TDRKH: variants seen among roughly 807,000 people sequenced by gnomAD.
TDRKH encodes tudor and KH domain-containing protein.
Under a neutral mutation model 61.3 loss-of-function variants are expected in TDRKH, and 28 were observed. The observed-to-expected ratio is 0.46, with a 90% CI of 0.34 to 0.63. TDRKH has a LOEUF of 0.63. TDRKH is among the 20% of genes least tolerant of loss of function. The probability of loss-of-function intolerance (pLI) is 0.01; values close to 1 mark genes in which losing one functional copy is unlikely to be tolerated. For missense variants in TDRKH, 540 were observed against 683.4 expected (o/e 0.79, Z 2.34); for synonymous variants, 219 against 244.4 (o/e 0.90, Z 0.97).
chr1:151,781,328 A>ATATATATATATCTATATATATATATATAT (rs1553282748), intron 3 of TDRKH, among the ~76,000 whole-genome samples, 153 bp downstream of exon 3: 1 of 68,600 alleles, frequency 1.5e-5, no homozygotes, highest in African/African-American at 4.8e-5. Flanking sequence ...AAAAAAAAAA[A>ATATATATATATCTATATATATATATATAT]ATATATATAT....
chr1:151,788,075 T>C (rs1175048283), intron 1 of TDRKH, among the ~76,000 whole-genome samples: 1 of 152,160 alleles, frequency 6.6e-6, no homozygotes. Context: ...TGAGCATCTA[T>C]GGATTTGGGT....
chr1:151,775,938 A>C (rs902101034), intron 8 of TDRKH, 54 bp from the exon 9 acceptor site: 5 of 1,596,138 alleles, frequency 3.1e-6, no homozygotes, highest in South Asian at 2.2e-5. Flanking sequence ...ATCTTCTTAC[A>C]TTGCTGCTTT....
downstream of TDRKH, among the ~76,000 whole-genome samples, chr1:151,769,709 G>C (rs1168642363): frequency 6.6e-6 from 1 of 152,174 alleles, no homozygotes; most frequent in East Asian, 1.9e-4. Flanking sequence ...GGCACTTTGG[G>C]AGGCCAAGGC....
chr1:151,767,162 G>C (rs1274331678), downstream of TDRKH: 1 of 1,613,608 alleles, frequency 6.2e-7, no homozygotes, highest in African/African-American at 1.3e-5. Flanking sequence ...TTCCCAACCA[G>C]CATCACTTAT....
chr1:151,770,467 T>G, downstream of TDRKH: 1 of 606,666 alleles, frequency 1.6e-6, no homozygotes, highest in Non-Finnish European at 2.7e-6. Flanking sequence ...CAGGTGGTGT[T>G]AGGGGCCAGA....
In TDRKH at chr1:151,775,490, C is replaced by A; in HGVS notation, c.1336G>T (p.Ala446Ser). Residue 446 changes from alanine (A) to serine (S), a missense_variant, in exon 10 of 13, where the codon GCT (alanine) becomes TCT (serine). Ala to Ser is a moderately conservative substitution (Grantham distance 99). Transcript: ENST00000368824. ...LDEFDRLTHC[A>S]DWKPLVAKIS... ...TTGGCTACCAGAGGCTTCCAGTCAG[C>A]ACAATGAGTGAGTCTATCAAACTCA... 6.2e-7 allele frequency: 1 copy of A among 1,614,080 alleles called. No individual in the cohort carries two copies. Among genetic ancestry groups the A allele is most frequent in the South Asian group, 1.1e-5 (1 of 91,066 alleles).
intron 10 of TDRKH, 26 bp downstream of exon 10, chr1:151,775,366 A>T (rs1649059010): frequency 1.2e-6 from 2 of 1,602,274 alleles, no homozygotes; most frequent in African/African-American, 2.7e-5. Flanking sequence ...AAGATATGGC[A>T]AGCAGTGAGT....
rs1649462856 is a variant in TDRKH at position 151,778,796 on chromosome 1, C to T, written c.772G>A (p.Gly258Arg). 6.2e-7 allele frequency: 1 copy of T among 1,614,222 alleles called. No homozygotes were observed. Among genetic ancestry groups the T allele is most frequent in the Admixed American group, 1.7e-5 (1 of 60,032 alleles). ...GACACTACCACAGCCATGTCGCCTC[C>T]TCCTTTGGGTGGAGGAGTCACCAGG... The part of the protein sequence containing the change: ...APLVTPPPKG[G>R]GDMAVVVSKE... The change falls in exon 6 of 13, where the codon GGA becomes AGA. Residue 258 changes from glycine to arginine, a missense_variant. Physicochemically the swap from Gly to Arg is moderately radical, Grantham distance 125. This residue lies in a region of TDRKH where 379 missense variants were observed against 443.8 expected (regional missense o/e 0.85). Transcript: ENST00000368824.
chr1:151,770,776 A>C (rs1399402830), downstream of TDRKH, among the ~76,000 whole-genome samples: 1 of 152,228 alleles, frequency 6.6e-6, no homozygotes, highest in Non-Finnish European at 1.5e-5. Flanking sequence ...AGACCTCACT[A>C]ATCTCTAGTG....
chr1:151,781,391 G>T, intron 3 of TDRKH, 90 bp downstream of exon 3: 1 of 914,300 alleles, frequency 1.1e-6, no homozygotes, highest in Non-Finnish European at 1.7e-6. Context: ...GCATGTGAAT[G>T]TTTTGTGATA....
At chr1:151,771,056 ATT>A, downstream of TDRKH, 2 of 1,556,400 alleles carry the variant, frequency 1.3e-6, no homozygotes, top group Non-Finnish European at 1.7e-6. Flanking sequence ...TGTTCTAATC[ATT>A]TGTTCTATCC....
chr1:151,778,655 T>C, intron 6 of TDRKH, 30 bp downstream of exon 6: 1 of 1,607,162 alleles, frequency 6.2e-7, no homozygotes, highest in East Asian at 2.2e-5. Context: ...CTATCTTCAA[T>C]GATTAATGGG....
rs551160069 is a variant in TDRKH at position 151,790,461 on chromosome 1, A to C, written c.-109T>G. On this transcript the variant is annotated 5_prime_UTR_variant, in exon 1 of 13. Coordinates refer to ENST00000368824, the MANE Select transcript of TDRKH (RefSeq NM_001083965.2). ...CTCGCGCCTCACCCCAGCTGCAGCC[A>C]CCAGCGCCGCCGCCTCCCACTCACA... The C allele has an allele frequency of 4.4e-4, 68 of 153,054 alleles. No individual in the cohort carries two copies. The highest frequency in any genetic ancestry group is 1.6e-3 in the African/African-American group (67 of 41,518). 9.5% of individuals were successfully genotyped at this position (153,054 alleles called of 1,614,324 possible).
downstream of TDRKH, chr1:151,770,600 C>T (rs138756705): frequency 2.1e-3 from 555 of 258,160 alleles, 2 homozygotes; most frequent in African/African-American, 0.011. Context: ...GCCAAGGGAA[C>T]GGGGACATAT....
At chr1:151,767,251 CAA>C (rs1298775144), downstream of TDRKH, 1 of 1,613,988 alleles carries the variant, frequency 6.2e-7, no homozygotes, top group East Asian at 2.2e-5. Flanking sequence ...TCCAGGAGGG[CAA>C]AAGCACCGAG....
chr1:151,767,269 T>G, downstream of TDRKH: 3 of 1,613,942 alleles, frequency 1.9e-6, no homozygotes, highest in Non-Finnish European at 2.5e-6. Context: ...CCGAGCAGGG[T>G]AACCACGACC....
chr1:151,782,957 C>T lies in TDRKH; in HGVS notation c.66G>A (p.Gly22=). ...AGGCAACTGTTGCACTGGCTGGGATCCCAAGGCCCAGGGCTATTTTCTGAA... is the reference window on the plus strand; with the variant it reads ...AGGCAACTGTTGCACTGGCTGGGATTCCAAGGCCCAGGGCTATTTTCTGAA... ...STIQKIALGL[G]IPASATVAYI... is the part of the protein sequence containing the mutation. The change falls in exon 2 of 13, where the codon GGG becomes GGA. Residue 22 remains glycine, a synonymous_variant. Transcript: ENST00000368824. 1 of 1,613,640 alleles carries T rather than the reference C, an allele frequency of 6.2e-7. No homozygotes were observed. Among genetic ancestry groups the T allele is most frequent in the Non-Finnish European group, 8.5e-7 (1 of 1,179,836 alleles).
At chr1:151,771,543 C>T (rs1018325848), downstream of TDRKH, 3 of 356,678 alleles carry the variant, frequency 8.4e-6, no homozygotes, top group Admixed American at 1.4e-4. Flanking sequence ...CAGTGAACTT[C>T]CTAGTTCAGA....
chr1:151,778,774 A>G lies in TDRKH; in HGVS notation c.794T>C (p.Val265Ala). 1 of 1,614,208 alleles carries G rather than the reference A, an allele frequency of 6.2e-7. No individual in the cohort carries two copies. Among genetic ancestry groups the G allele is most frequent in the Non-Finnish European group, 8.5e-7 (1 of 1,180,044 alleles). ...TTTCTCCCAGGAACCTTCCTTTGAC[A>G]CTACCACAGCCATGTCGCCTCCTCC... ...PKGGGDMAVV[V>A]SKEGSWEKPS... The change falls in exon 6 of 13, where the codon GTG (valine) becomes GCG (alanine). Residue 265 changes from valine (V) to alanine (A), a missense_variant. Around this residue, in one of 3 missense-constraint regions of TDRKH, gnomAD observed 379 missense variants for 443.8 expected, o/e 0.85. Coordinates refer to ENST00000368824, the MANE Select transcript of TDRKH (RefSeq NM_001083965.2).
Sources: allele counts gnomAD v4.1 joint callset (sites outside exome capture counted in the v4.1 genomes callset), GRCh38; gene constraint gnomAD v4.1.1; regional missense constraint gnomAD v4.1.1; transcripts MANE v1.5; gene names NCBI Gene and HGNC (gene_info 2026-07-23, HGNC 2026-07-21).